COL12A1: variants seen among roughly 807,000 people sequenced by gnomAD.
COL12A1 encodes collagen alpha-1(XII) chain.
In COL12A1, 114 loss-of-function variants were observed where a neutral mutation model predicts 349.7. That is an observed-to-expected ratio of 0.33 (90% CI 0.28 to 0.38). The LOEUF is 0.38. COL12A1 is among the 10% of genes least tolerant of loss of function. The pLI is 1.00. For missense variants in COL12A1, 3,284 were observed against 3,756.9 expected, an observed-to-expected ratio of 0.87 and a Z score of 3.29; for synonymous variants, 1,369 against 1,329.0, an observed-to-expected ratio of 1.03 and a Z score of -0.66.
chr6:75,130,470 G>C (rs1766246984), intron 36 of COL12A1, among the ~76,000 whole-genome samples: 1 of 152,106 alleles, frequency 6.6e-6, no homozygotes, highest in Non-Finnish European at 1.5e-5. Flanking sequence ...CTAGGAAAAA[G>C]GGGGATTATT....
At chr6:75,135,766 T>G (rs976604983) in intron 31 of COL12A1, among the ~76,000 whole-genome samples, 1 of 152,196 alleles carries the variant, frequency 6.6e-6, no homozygotes, top group African/African-American at 2.4e-5. Context: ...CAAACTGAAC[T>G]ACCGTGGCTA....
In COL12A1 at chr6:75,189,360, A is replaced by G. The variant is rs1769805076; in HGVS notation, c.680T>C (p.Val227Ala). Residue 227 changes from valine to alanine, a missense_variant, in exon 7 of 66, where the codon GTT (valine) becomes GCT (alanine). Transcript: ENST00000322507. ...AGCAGATTCCGTGAAAGTATTTTTAACTAAATAATCAATGGCATCCCCTAA... is the reference window on the plus strand; with the variant it reads ...AGCAGATTCCGTGAAAGTATTTTTAGCTAAATAATCAATGGCATCCCCTAA... Reference protein sequence around the residue: ...TMTGDAIDYLVKNTFTESAGA... With the variant: ...TMTGDAIDYLAKNTFTESAGA... 2 of 1,612,682 alleles carry G rather than the reference A, an allele frequency of 1.2e-6. No individual in the cohort carries two copies. Among genetic ancestry groups the G allele is most frequent in the Non-Finnish European group, 1.7e-6 (2 of 1,179,366 alleles).
chr6:75,138,251 T>C (rs771302900), intron 30 of COL12A1, 69 bp downstream of exon 30: 20 of 1,438,660 alleles, frequency 1.4e-5, no homozygotes, highest in South Asian at 2.5e-5. Context: ...ATGTATCTTA[T>C]GGTACTTTTC....
chr6:75,192,667 G>A (rs1372865360), intron 3 of COL12A1, among the ~76,000 whole-genome samples: 3 of 152,074 alleles, frequency 2.0e-5, no homozygotes, highest in East Asian at 3.9e-4. Context: ...GGAGACTAAT[G>A]GTAGATAACA....
intron 23 of COL12A1, among the ~76,000 whole-genome samples, chr6:75,146,496 T>C (rs1448114907): frequency 1.3e-5 from 2 of 152,230 alleles, no homozygotes; most frequent in Non-Finnish European, 2.9e-5. Flanking sequence ...AGGTGTCAAA[T>C]GGCATTCCAG....
Position 75,192,362 on chromosome 6 carries a change from A to G in COL12A1, c.191-7T>C. ...AATTCTTTAGTAGGCCCATCTGGAA[A>G]TATAAAAAGGAAAAATATGAATGCA... On this transcript the variant is annotated splice_polypyrimidine_tract_variant and splice_region_variant and intron_variant, in intron 3 of 65. Coordinates refer to ENST00000322507, the MANE Select transcript of COL12A1 (RefSeq NM_004370.6). The G allele has an allele frequency of 6.2e-7, 1 of 1,609,436 alleles. No individual in the cohort carries two copies. Among genetic ancestry groups the G allele is most frequent in the East Asian group, 2.2e-5 (1 of 44,648 alleles).
At chr6:75,180,037 T>C (rs948964413) in intron 11 of COL12A1, among the ~76,000 whole-genome samples, 1 of 152,216 alleles carries the variant, frequency 6.6e-6, no homozygotes, top group African/African-American at 2.4e-5. Flanking sequence ...GCCACACACC[T>C]GTAGTCCCAG....
At chr6:75,189,913 G>T in intron 5 of COL12A1, 98 bp from the exon 6 acceptor site, 2 of 1,299,894 alleles carry the variant, frequency 1.5e-6, no homozygotes, top group South Asian at 1.4e-5. Context: ...AAATCATTCT[G>T]TTCATTAGAA....
chr6:75,137,284 G>A (rs183769425), intron 31 of COL12A1, among the ~76,000 whole-genome samples, 153 bp downstream of exon 31: 95 of 152,252 alleles, frequency 6.2e-4, no homozygotes, highest in African/African-American at 2.2e-3. Flanking sequence ...TCCACGTGGA[G>A]TGCCAGCTAA....
chr6:75,114,075 GAC>G (rs1768964566), intron 49 of COL12A1, among the ~76,000 whole-genome samples: 1 of 151,728 alleles, frequency 6.6e-6, no homozygotes, highest in African/African-American at 2.4e-5. Context: ...AATTTTTCTA[GAC>G]ACAGAGTATT....
At chr6:75,155,916 T>C in intron 15 of COL12A1, 62 bp from the exon 16 acceptor site, 1 of 1,490,346 alleles carries the variant, frequency 6.7e-7, no homozygotes, top group Non-Finnish European at 9.0e-7. Flanking sequence ...GGTTTCTTTT[T>C]TATTAGCCCC....
In COL12A1 at chr6:75,123,388, T is replaced by G. The variant is rs746961158; in HGVS notation, c.6888A>C (p.Glu2296Asp). Residue 2296 changes from glutamate to aspartate, a missense_variant, in exon 43 of 66, where the codon GAA becomes GAC. Physicochemically the swap from Glu to Asp is conservative, Grantham distance 45. Coordinates refer to ENST00000322507, the MANE Select transcript of COL12A1 (RefSeq NM_004370.6). ...VKEHTTVKPT[E>D]APTEPPTPPP... The stretch of plus-strand genomic sequence containing the variant: ...GAGGTGTGGGTGGCTCTGTAGGGGC[T>G]TCTGTTGGTTTCACAGCTAAAATTT... The G allele has an allele frequency of 3.2e-6, 5 of 1,587,006 alleles. No homozygotes were observed. The highest frequency in any genetic ancestry group is 3.4e-6 in the Non-Finnish European group (4 of 1,166,646).
intron 60 of COL12A1, among the ~76,000 whole-genome samples, chr6:75,093,445 T>TAC (rs1399532582): frequency 6.6e-6 from 1 of 152,126 alleles, no homozygotes; most frequent in African/African-American, 2.4e-5. Context: ...GACCTATATA[T>TAC]ACCTATATGC....
intron 2 of COL12A1, among the ~76,000 whole-genome samples, chr6:75,196,554 A>G (rs1255581428): frequency 6.6e-6 from 1 of 152,230 alleles, no homozygotes; most frequent in East Asian, 1.9e-4. Context: ...CAGTGAGATT[A>G]GACTATTAAT....
rs1188908901 is a variant in COL12A1 at position 75,109,035 on chromosome 6, C to G, written c.8083G>C (p.Glu2695Gln). The stretch of plus-strand genomic sequence containing the variant: ...TTACTCACTGCGGCTGATTTCCTTT[C>G]CCCTTTAAGGAGTTTTCCAAGAATT... ...YEILGKLLKGERKSAAFQIQS... is the reference protein window; with the variant it reads ...YEILGKLLKGQRKSAAFQIQS... The change falls in exon 52 of 66, where the codon GAA (glutamate) becomes CAA (glutamine). Residue 2695 changes from glutamate to glutamine, a missense_variant. Transcript: ENST00000322507. The G allele has an allele frequency of 5.0e-6, 8 of 1,611,838 alleles. No individual in the cohort carries two copies. The highest frequency in any genetic ancestry group is 6.8e-6 in the Non-Finnish European group (8 of 1,179,224).
At chr6:75,087,424 G>A in intron 65 of COL12A1, 153 bp downstream of exon 65, 1 of 681,950 alleles carries the variant, frequency 1.5e-6, no homozygotes, top group Non-Finnish European at 2.4e-6. Context: ...TGTGTGCTAT[G>A]ATAGCAAACA....
chr6:75,181,927 C>CAAAAAAAAAA (rs547248236), intron 10 of COL12A1, among the ~76,000 whole-genome samples: 5 of 139,264 alleles, frequency 3.6e-5, no homozygotes, highest in African/African-American at 1.3e-4. Flanking sequence ...CCGTCTCTAC[C>CAAAAAAAAAA]AAAAAAAAAA....
In COL12A1 at chr6:75,154,471, A is replaced by G. The variant is rs777115576; in HGVS notation, c.3510T>C (p.Val1170=). Residue 1170 remains valine, a synonymous_variant, in exon 17 of 66, where the codon GTT becomes GTC. Transcript: ENST00000322507. ...MFDGGESSPL[V]GQEMTTLSDT... is the part of the protein sequence containing the mutation. ...CGGAAAGGGTTGTCATTTCTTGTCC[A>G]ACAAGTGGTGAGCTTTCTCCTCCAT... 1.9e-6 allele frequency: 3 copies of G among 1,612,916 alleles called. No individual in the cohort carries two copies. The East Asian group carries it at 6.7e-5, about 36-fold the overall frequency.
chr6:75,197,335 G>T (rs1308776063), intron 2 of COL12A1, among the ~76,000 whole-genome samples: 2 of 143,550 alleles, frequency 1.4e-5, no homozygotes, highest in African/African-American at 2.6e-5. Flanking sequence ...TTTTTGAGAC[G>T]GAGTTTCGCT....
Sources: gnomAD v4.1 joint callset for allele counts (sites outside exome capture counted in the v4.1 genomes callset) on GRCh38, gnomAD v4.1.1 for gene constraint, MANE v1.5 for transcripts, NCBI Gene and HGNC (gene_info 2026-07-23, HGNC 2026-07-21) for gene names.